The following ESRRG variants were observed in gnomAD, a reference collection of about 807,000 sequenced individuals.
ESRRG encodes estrogen-related receptor gamma.
ESRRG carries 13 observed loss-of-function variants against 44.0 expected under a neutral mutation model. The observed-to-expected ratio is 0.30, with a 90% CI of 0.19 to 0.47. The LOEUF (loss-of-function observed/expected upper bound fraction) is 0.47. Ranked by LOEUF, ESRRG falls within the 20% of genes least tolerant of loss-of-function variation. The pLI is 1.00. For missense variants in ESRRG, 395 were observed against 580.6 expected (o/e 0.68, Z 3.29); for synonymous variants, 215 against 214.6 (o/e 1.00, Z -0.02).
At chr1:217,043,219 AC>A (rs2084204216) in intron 1 of ESRRG, among the ~76,000 whole-genome samples, 1 of 152,112 alleles carries the variant, frequency 6.6e-6, no homozygotes, top group African/African-American at 2.4e-5. Flanking sequence ...GGGCTATCAC[AC>A]CACATTCCAA....
intron 1 of ESRRG, chr1:217,078,476 T>A (rs961999808): frequency 6.6e-6 from 1 of 152,244 alleles, no homozygotes; most frequent in Non-Finnish European, 1.5e-5. Flanking sequence ...CAGAGCAACC[T>A]TTGACAACTT....
At chr1:216,985,360 T>C (rs550793372) in intron 1 of ESRRG, among the ~76,000 whole-genome samples, 2 of 152,126 alleles carry the variant, frequency 1.3e-5, no homozygotes, top group East Asian at 1.9e-4. Context: ...CAACTCGGAG[T>C]AGCATGCTGG....
intron 2 of ESRRG, among the ~76,000 whole-genome samples, chr1:216,872,927 T>C (rs1379331354): frequency 1.3e-5 from 2 of 152,222 alleles, no homozygotes; most frequent in Non-Finnish European, 2.9e-5. Context: ...TGCTTAACTC[T>C]TATGGAATAT....
At chr1:216,960,185 T>C (rs1447145668) in intron 1 of ESRRG, among the ~76,000 whole-genome samples, 1 of 152,200 alleles carries the variant, frequency 6.6e-6, no homozygotes. Flanking sequence ...TATCATTATG[T>C]ACATATTTTA....
chr1:216,723,198 CGCA>C lies in ESRRG; in HGVS notation c.56+43_56+45del. 7 of 1,493,124 alleles carry C rather than the reference CGCA, an allele frequency of 4.7e-6. No individual in the cohort carries two copies. In the Admixed American group the frequency reaches 5.0e-5, roughly 11 times the overall value. The allele number at this position is 1,493,124 out of a possible 1,614,324, so 92.5% of individuals were successfully genotyped here. ...GATATAGTCTGTCCGCCCCCACCCC[CGCA>C]CCCCCACGACGAGTTTAAAAAGGAA... On this transcript the variant is annotated intron_variant, in intron 1 of 6. Coordinates refer to ENST00000408911, the MANE Select transcript of ESRRG (RefSeq NM_001438.4).
At chr1:216,752,254 G>T (rs534175088) in intron 2 of ESRRG, among the ~76,000 whole-genome samples, 1 of 151,918 alleles carries the variant, frequency 6.6e-6, no homozygotes, top group Non-Finnish European at 1.5e-5. Context: ...AGCAGATTCC[G>T]CTTTTCTCTG....
chr1:216,710,577 T>C (rs2083393681), intron 1 of ESRRG, among the ~76,000 whole-genome samples: 1 of 152,220 alleles, frequency 6.6e-6, no homozygotes, highest in African/African-American at 2.4e-5. Context: ...CAGGTGTACA[T>C]GTGAGTCACT....
chr1:216,609,364 A>G (rs899507401), intron 3 of ESRRG, among the ~76,000 whole-genome samples: 1 of 152,194 alleles, frequency 6.6e-6, no homozygotes, highest in African/African-American at 2.4e-5. Context: ...ACCATCCCTC[A>G]AAGAAGTCAA....
intron 2 of ESRRG, among the ~76,000 whole-genome samples, chr1:216,837,535 G>A (rs187619429): frequency 1.9e-3 from 290 of 152,342 alleles, no homozygotes; most frequent in African/African-American, 5.6e-3. Context: ...GGGAGTCACT[G>A]ATTTAGGACT....
chr1:217,081,228 T>TTTTC (rs2091743966), intron 1 of ESRRG, among the ~76,000 whole-genome samples: 1 of 126,176 alleles, frequency 7.9e-6, no homozygotes, highest in Non-Finnish European at 1.7e-5. Flanking sequence ...ATTCTTTTTT[T>TTTTC]TTTTTTTTTT....
chr1:217,000,932 C>T (rs12121739), intron 1 of ESRRG, among the ~76,000 whole-genome samples: 45,836 of 152,126 alleles, frequency 0.3, 8,845 homozygotes, highest in Non-Finnish European at 0.43. Context: ...TGCCGTTCAC[C>T]GGCACCAAAA....
At chr1:216,821,257 A>G (rs1452734834) in intron 2 of ESRRG, among the ~76,000 whole-genome samples, 2 of 152,134 alleles carry the variant, frequency 1.3e-5, no homozygotes, top group African/African-American at 4.8e-5. Context: ...CTTCCAGACC[A>G]TACTTTCCCT....
At chr1:217,045,199 T>C (rs2084644039) in intron 1 of ESRRG, among the ~76,000 whole-genome samples, 1 of 152,128 alleles carries the variant, frequency 6.6e-6, no homozygotes, top group Admixed American at 6.5e-5. Flanking sequence ...CATGTAGAGA[T>C]TTGTCATTTC....
intron 2 of ESRRG, among the ~76,000 whole-genome samples, chr1:216,807,912 G>A (rs2148417054): frequency 6.6e-6 from 1 of 152,212 alleles, no homozygotes. Flanking sequence ...AAGCCCAATA[G>A]AGTCATGGGC....
At chr1:216,645,955 A>C (rs1421841807) in intron 3 of ESRRG, among the ~76,000 whole-genome samples, 2 of 150,946 alleles carry the variant, frequency 1.3e-5, no homozygotes, top group East Asian at 3.9e-4. Context: ...TGCTCATTTT[A>C]AAATGTGTGC....
At chr1:216,748,889 A>T (rs531052847) in intron 2 of ESRRG, among the ~76,000 whole-genome samples, 1 of 152,214 alleles carries the variant, frequency 6.6e-6, no homozygotes, top group East Asian at 1.9e-4. Context: ...ACCCTTATAG[A>T]CAGGCACAGA....
At chr1:217,032,427 G>A (rs189532976) in intron 1 of ESRRG, among the ~76,000 whole-genome samples, 268 of 152,178 alleles carry the variant, frequency 1.8e-3, no homozygotes, top group African/African-American at 6.3e-3. Context: ...AGTCAATTGA[G>A]GATTCACAAT....
chr1:216,686,455 AAAAAAAAG>A (rs2077985605), intron 1 of ESRRG, among the ~76,000 whole-genome samples: 1 of 151,666 alleles, frequency 6.6e-6, no homozygotes, highest in Admixed American at 6.6e-5. Context: ...AAAAAAAAAA[AAAAAAAAG>A]AAAGGATTAT....
At chr1:216,608,247 T>C (rs2060189504) in intron 3 of ESRRG, among the ~76,000 whole-genome samples, 1 of 152,206 alleles carries the variant, frequency 6.6e-6, no homozygotes. Context: ...TTAAATATTA[T>C]CCTCCTTTAT....
Sources: allele counts gnomAD v4.1 joint callset (sites outside exome capture counted in the v4.1 genomes callset), GRCh38; gene constraint gnomAD v4.1.1; transcripts MANE v1.5; gene names NCBI Gene and HGNC (gene_info 2026-07-23, HGNC 2026-07-21).